The following HSD17B12 variants were observed in gnomAD, a reference collection of about 807,000 sequenced individuals.
HSD17B12 encodes the protein hydroxysteroid 17-beta dehydrogenase 12, also known as very-long-chain 3-oxoacyl-CoA reductase.
HSD17B12 carries 32 observed loss-of-function variants against 39.3 expected under a neutral mutation model. The ratio of observed to expected loss-of-function variants is 0.81; its 90% CI spans 0.61 to 1.09. HSD17B12 has a LOEUF of 1.09. Among genes scored for constraint, HSD17B12 ranks in the 50% least tolerant of loss-of-function variants. HSD17B12 has a pLI of 0.00. For synonymous variants in HSD17B12, 150 were observed against 146.7 expected, an observed-to-expected ratio of 1.02 and a Z score of -0.16; for missense variants, 342 against 382.9, an observed-to-expected ratio of 0.89 and a Z score of 0.89.
chr11:43,614,683 G>C, the HSD17B12 span, among the ~76,000 whole-genome samples: 45 of 152,052 alleles, frequency 3.0e-4, no homozygotes, highest in East Asian at 7.9e-3. Context: ...CAGTTCCCTA[G>C]GACTTTTAAC....
chr11:43,782,004 T>C (rs1950770375), intron 3 of HSD17B12, among the ~76,000 whole-genome samples: 1 of 152,240 alleles, frequency 6.6e-6, no homozygotes, highest in South Asian at 2.1e-4. Flanking sequence ...TAAAATTGTT[T>C]CTGTGGGCAC....
chr11:43,575,717 T>G, the HSD17B12 span, among the ~76,000 whole-genome samples: 1 of 152,180 alleles, frequency 6.6e-6, no homozygotes, highest in Non-Finnish European at 1.5e-5. This position sits in a 1 kb window ranked among gnomAD's most constrained non-coding sequence, Gnocchi z 4.1. Flanking sequence ...AAGAGGAGAA[T>G]CTGCACGTGA....
intron 1 of HSD17B12, among the ~76,000 whole-genome samples, chr11:43,706,689 GGTGTGT>G (rs147962977): frequency 1.5e-4 from 21 of 137,818 alleles, no homozygotes; most frequent in South Asian, 4.7e-4. Context: ...TGAATGAAGG[GGTGTGT>G]GTGTGTGTGT....
chr11:43,709,165 G>T (rs904797841), intron 1 of HSD17B12, among the ~76,000 whole-genome samples: 1 of 151,540 alleles, frequency 6.6e-6, no homozygotes, highest in South Asian at 2.1e-4. Context: ...TTGCCCTGTC[G>T]CCCAGGCTGG....
At chr11:43,751,879 C>T (rs1950467942) in intron 2 of HSD17B12, among the ~76,000 whole-genome samples, 1 of 152,134 alleles carries the variant, frequency 6.6e-6, no homozygotes, top group Non-Finnish European at 1.5e-5. Flanking sequence ...CCTTACAACC[C>T]CAATACATTG....
In HSD17B12 at chr11:43,855,915, G is replaced by A. The variant is rs1190302880; in HGVS notation, c.*667G>A. ...CTCAGTTTAAATGTATGTAAATATCGAAGCTATATGGTATGATTTATAAAG... is the reference window on the plus strand; with the variant it reads ...CTCAGTTTAAATGTATGTAAATATCAAAGCTATATGGTATGATTTATAAAG... On this transcript the variant is annotated 3_prime_UTR_variant, in exon 11 of 11. Transcript: ENST00000278353. The A allele has an allele frequency of 2.8e-5, 2 of 70,212 alleles. No individual in the cohort carries two copies. The highest frequency in any genetic ancestry group is 3.3e-4 in the East Asian group (1 of 3,068). The allele number at this position is 70,212 out of a possible 1,614,324, so 4.3% of individuals were successfully genotyped here.
At chr11:43,579,800 C>A in the HSD17B12 span, among the ~76,000 whole-genome samples, 1 of 151,636 alleles carries the variant, frequency 6.6e-6, no homozygotes, top group Non-Finnish European at 1.5e-5. Flanking sequence ...GGTGGGTCGA[C>A]AGGGACTTGA....
chr11:43,702,006 C>A (rs1047040882), intron 1 of HSD17B12, among the ~76,000 whole-genome samples: 1 of 152,056 alleles, frequency 6.6e-6, no homozygotes, highest in Admixed American at 6.6e-5. Context: ...TAATTTCTTT[C>A]ATCAGTGTTT....
intron 1 of HSD17B12, among the ~76,000 whole-genome samples, chr11:43,719,596 C>T (rs1950157120): frequency 6.9e-6 from 1 of 144,090 alleles, no homozygotes; most frequent in South Asian, 2.2e-4. Flanking sequence ...ACTCCTTGTG[C>T]AATAAAGGAC....
chr11:43,768,799 T>G (rs541879977), intron 3 of HSD17B12, among the ~76,000 whole-genome samples: 56 of 152,230 alleles, frequency 3.7e-4, no homozygotes, highest in African/African-American at 1.1e-3. Context: ...CCAGTTTTTA[T>G]TCTCTTATTT....
chr11:43,831,017 C>A lies in HSD17B12; in HGVS notation c.536+7C>A. 1 of 1,605,472 alleles carries A rather than the reference C, an allele frequency of 6.2e-7. No individual in the cohort carries two copies. The highest frequency in any genetic ancestry group is 1.1e-5 in the South Asian group (1 of 89,738). On this transcript the variant is annotated splice_region_variant and intron_variant, in intron 7 of 10. Transcript: ENST00000278353. This position sits in a 1 kb window ranked among gnomAD's most constrained non-coding sequence, Gnocchi z 4.1. The stretch of plus-strand genomic sequence containing the variant: ...TGCCTGGCATGGTGGAAAGGTGAGT[C>A]ACAAGCTCACATACAAACACTGTGG...
intron 4 of HSD17B12, among the ~76,000 whole-genome samples, chr11:43,814,328 T>C (rs1387949017): frequency 2.6e-5 from 4 of 152,136 alleles, no homozygotes; most frequent in Non-Finnish European, 5.9e-5. Flanking sequence ...AGTTTCCTAA[T>C]ATGTAAGAGG....
At chr11:43,709,780 T>A (rs1338249179) in intron 1 of HSD17B12, among the ~76,000 whole-genome samples, 5 of 152,248 alleles carry the variant, frequency 3.3e-5, no homozygotes, top group African/African-American at 9.6e-5. Context: ...ACTCCCCCTT[T>A]TTTGAATAGA....
the HSD17B12 span, among the ~76,000 whole-genome samples, chr11:43,568,224 C>T: frequency 2.0e-4 from 30 of 152,196 alleles, no homozygotes; most frequent in East Asian, 5.2e-3. Flanking sequence ...CTCAGCCTCC[C>T]GAGTAGCTAG....
intron 3 of HSD17B12, among the ~76,000 whole-genome samples, chr11:43,777,731 T>C (rs1950721368): frequency 6.6e-6 from 1 of 152,218 alleles, no homozygotes; most frequent in African/African-American, 2.4e-5. Context: ...CAGTATGATA[T>C]TGGCTGTGGG....
the HSD17B12 span, among the ~76,000 whole-genome samples, chr11:43,602,672 T>C: frequency 5.4e-3 from 822 of 152,262 alleles, 7 homozygotes; most frequent in African/African-American, 0.019. Context: ...ATTTATGCTA[T>C]TTAAGGGCAA....
At chr11:43,757,690 A>G in intron 3 of HSD17B12, among the ~76,000 whole-genome samples, 1 of 142,424 alleles carries the variant, frequency 7.0e-6, no homozygotes, top group Non-Finnish European at 1.5e-5. Context: ...AAACAAACAA[A>G]TAAACCAAAC....
chr11:43,567,482 T>G, the HSD17B12 span, among the ~76,000 whole-genome samples: 1 of 152,204 alleles, frequency 6.6e-6, no homozygotes, highest in Non-Finnish European at 1.5e-5. Flanking sequence ...GTAAAATATT[T>G]CTAGTGGAGA....
intron 6 of HSD17B12, among the ~76,000 whole-genome samples, chr11:43,827,703 T>C (rs1313547065): frequency 6.6e-6 from 1 of 152,234 alleles, no homozygotes; most frequent in Non-Finnish European, 1.5e-5. Context: ...GCATTTTTGC[T>C]GAATAATCTA....
Sources: gnomAD v4.1 joint callset for allele counts (sites outside exome capture counted in the v4.1 genomes callset) on GRCh38, gnomAD v4.1.1 for gene constraint, Gnocchi (gnomAD v3.1) non-coding constraint, MANE v1.5 for transcripts, NCBI Gene and HGNC (gene_info 2026-07-23, HGNC 2026-07-21) for gene names.